SAP30BP: variants seen among roughly 807,000 people sequenced by gnomAD.
SAP30BP encodes the protein SAP30-binding protein.
Under a neutral mutation model 46.3 loss-of-function variants are expected in SAP30BP, and 31 were observed. The ratio of observed to expected loss-of-function variants is 0.67; its 90% CI spans 0.50 to 0.90. The LOEUF is 0.90. Among genes scored for constraint, SAP30BP ranks in the 40% least tolerant of loss-of-function variants. The pLI, the probability that SAP30BP is intolerant of heterozygous loss-of-function variation, is 0.00. For missense variants in SAP30BP, 312 were observed against 391.0 expected (o/e 0.80, Z 1.70); for synonymous variants, 169 against 144.2 (o/e 1.17, Z -1.23).
chr17:75,691,909 C>T (rs1312221029), intron 3 of SAP30BP: 8 of 181,842 alleles, frequency 4.4e-5, no homozygotes, highest in Non-Finnish European at 7.1e-5. Context: ...TGTTGGTCCC[C>T]TGAGAGACTG....
intron 3 of SAP30BP, among the ~76,000 whole-genome samples, chr17:75,688,003 GCTGA>G (rs2060187191): frequency 2.0e-5 from 3 of 150,168 alleles, no homozygotes; most frequent in Admixed American, 1.3e-4. Context: ...TGTGGACCAG[GCTGA>G]CTATTAGACT....
intron 3 of SAP30BP, among the ~76,000 whole-genome samples, chr17:75,682,862 C>T (rs2148390094): frequency 6.7e-6 from 1 of 149,744 alleles, no homozygotes; most frequent in Admixed American, 6.7e-5. Context: ...ACTCAGGAGG[C>T]TGAGGCAGGA....
intron 3 of SAP30BP, among the ~76,000 whole-genome samples, chr17:75,686,536 GAA>G (rs1156641124): frequency 3.3e-5 from 5 of 151,308 alleles, no homozygotes; most frequent in African/African-American, 1.2e-4. Flanking sequence ...AAAAAAAAAA[GAA>G]AGAAAAAAAG....
rs544529030 is a variant in SAP30BP, at chr17:75,702,272, C to A, written c.397-208C>A. 6.6e-5 allele frequency among the ~76,000 whole-genome samples: 10 copies of A among 152,262 alleles called. No homozygotes were observed. In the South Asian group the frequency reaches 2.1e-3, roughly 32 times the overall value. ...ATCTCTGGACCTCGTGATCCACCCG[C>A]CTCAGCCTCCCAAAGTTCTGGGATT... On this transcript the variant is annotated intron_variant, in intron 5 of 10. Transcript: ENST00000584667.
At position 75,697,324 on chromosome 17, in the gene SAP30BP, C is replaced by A. The variant is rs188221372; in HGVS notation, c.308-2459C>A. ...TGCTGCTTGTGAGATAGGACCAGCT[C>A]CCCCCAGCTGATTCCACTCTCCACC... On this transcript the variant is annotated intron_variant, in intron 4 of 10. Coordinates refer to ENST00000584667, the MANE Select transcript of SAP30BP (RefSeq NM_013260.8). Among the ~76,000 whole-genome samples the A allele has an allele frequency of 6.6e-5, 10 of 152,248 alleles. No individual in the cohort carries two copies. In the East Asian group the frequency reaches 1.9e-3, roughly 29 times the overall value.
At chr17:75,696,317 G>A (rs1280868683) in intron 4 of SAP30BP, among the ~76,000 whole-genome samples, 4 of 151,414 alleles carry the variant, frequency 2.6e-5, no homozygotes, top group Non-Finnish European at 4.4e-5. Context: ...GGCAGATCAC[G>A]AGGTTGGGAG....
intron 3 of SAP30BP, among the ~76,000 whole-genome samples, chr17:75,689,571 C>T (rs1346609828): frequency 6.6e-6 from 1 of 152,164 alleles, no homozygotes; most frequent in Non-Finnish European, 1.5e-5. Context: ...CTCTGGGCTG[C>T]GGGTTCCATG....
In SAP30BP at chr17:75,667,383, A is replaced by G. The variant is rs747410239; in HGVS notation, c.11A>G (p.Lys4Arg). 6.2e-7 allele frequency: 1 copy of G among 1,614,172 alleles called. No homozygotes were observed. The highest frequency in any genetic ancestry group is 8.5e-7 in the Non-Finnish European group (1 of 1,179,996). Residue 4 changes from lysine to arginine, a missense_variant, in exon 1 of 11, where the codon AAG becomes AGG. This residue lies in a region of SAP30BP where 296 missense variants were observed against 346.6 expected (regional missense o/e 0.85). Coordinates refer to ENST00000584667, the MANE Select transcript of SAP30BP (RefSeq NM_013260.8). ...GGCTGTGGGAATAAGATGGCGGGGAAGAAGAATGTTCTGTCGTCTCTCGCA... is the reference window on the plus strand; with the variant it reads ...GGCTGTGGGAATAAGATGGCGGGGAGGAAGAATGTTCTGTCGTCTCTCGCA... MAG[K>R]KNVLSSLAVY...
chr17:75,700,787 A>G (rs776370446), intron 5 of SAP30BP, among the ~76,000 whole-genome samples: 5 of 152,216 alleles, frequency 3.3e-5, no homozygotes, highest in Non-Finnish European at 5.9e-5. Flanking sequence ...TCCAGCCTGT[A>G]AGGACGACTC....
At chr17:75,704,703 A>G (rs1472294063) in intron 8 of SAP30BP, 53 bp from the exon 9 acceptor site, 2 of 1,345,026 alleles carry the variant, frequency 1.5e-6, no homozygotes, top group African/African-American at 1.4e-5. Context: ...AGGCTCCCTC[A>G]GCCCAGAGCT....
At position 75,706,597 on chromosome 17, in the gene SAP30BP, A is replaced by G. The variant is rs566482852; in HGVS notation, c.*76A>G. 8.0e-6 allele frequency: 11 copies of G among 1,383,160 alleles called. No homozygotes were observed. Among genetic ancestry groups the G allele is most frequent in the Admixed American group, 7.4e-5 (4 of 53,796 alleles). 85.7% of individuals were successfully genotyped at this position (1,383,160 alleles called of 1,614,324 possible). A position where few individuals can be genotyped will look rare whatever the true frequency, so the allele number is the denominator to read the frequency against. On this transcript the variant is annotated 3_prime_UTR_variant, in exon 11 of 11. Coordinates refer to ENST00000584667, the MANE Select transcript of SAP30BP (RefSeq NM_013260.8). This position sits in a 1 kb window ranked among gnomAD's most constrained non-coding sequence, Gnocchi z 4.6. ...TGCCCAGTGGGAGGCGCCACTTTGT[A>G]TATTTCAGGACTGGGACCTACTCCC...
At chr17:75,683,917 GATA>G (rs1357509389) in intron 3 of SAP30BP, 1 of 152,248 alleles carries the variant, frequency 6.6e-6, no homozygotes, top group Non-Finnish European at 1.5e-5. Flanking sequence ...ATAGGTGAAA[GATA>G]ATAATTCTGG....
chr17:75,670,151 A>C lies in SAP30BP; in HGVS notation c.216+1526A>C, dbSNP rs181125369. Among the ~76,000 whole-genome samples the C allele has an allele frequency of 9.9e-4, 151 of 152,108 alleles. 4 individuals are homozygous for C. The East Asian group carries it at 0.026, about 27-fold the overall frequency. ...ATCTTGGCCAACATGGTGAAACCCCATCTCTACTAAAAATACAATAATTAG... is the reference window on the plus strand; with the variant it reads ...ATCTTGGCCAACATGGTGAAACCCCCTCTCTACTAAAAATACAATAATTAG... On this transcript the variant is annotated intron_variant, in intron 2 of 10. Transcript: ENST00000584667.
intron 5 of SAP30BP, among the ~76,000 whole-genome samples, chr17:75,701,578 C>T (rs533173319): frequency 6.6e-6 from 1 of 152,296 alleles, no homozygotes; most frequent in East Asian, 1.9e-4. Context: ...AAGCAGTTAA[C>T]CCTTGATGCC....
chr17:75,706,372 G>A lies in SAP30BP; in HGVS notation c.778G>A (p.Ala260Thr). 1.2e-6 allele frequency: 2 copies of A among 1,613,876 alleles called. No individual in the cohort carries two copies. Residue 260 changes from alanine to threonine, a missense_variant, in exon 11 of 11, where the codon GCT becomes ACT. Ala to Thr is a moderately conservative substitution (Grantham distance 58, BLOSUM62 0). Around this residue, in one of 2 missense-constraint regions of SAP30BP, gnomAD observed 296 missense variants for 346.6 expected, o/e 0.85. Transcript: ENST00000584667. This position sits in a 1 kb window ranked among gnomAD's most constrained non-coding sequence, Gnocchi z 4.6. ...GAAGAGAAAGAGCAAGTGGGATTCGGCTATCCCAGTGACAACGATAGCCCA... is the reference window on the plus strand; with the variant it reads ...GAAGAGAAAGAGCAAGTGGGATTCGACTATCCCAGTGACAACGATAGCCCA... ...AQKRKSKWDS[A>T]IPVTTIAQPT...
intron 9 of SAP30BP, 172 bp from the exon 10 acceptor site, chr17:75,705,836 C>G: frequency 9.1e-7 from 1 of 1,103,172 alleles, no homozygotes; most frequent in Non-Finnish European, 1.3e-6. Flanking sequence ...TGAAAAGCCC[C>G]TTTGGGTTCT....
At chr17:75,695,690 G>A (rs1049977792) in intron 4 of SAP30BP, among the ~76,000 whole-genome samples, 1 of 152,140 alleles carries the variant, frequency 6.6e-6, no homozygotes, top group Non-Finnish European at 1.5e-5. Flanking sequence ...CCACTCTGGT[G>A]TCAGGACTCA....
chr17:75,683,245 C>T (rs1447957904), intron 3 of SAP30BP, among the ~76,000 whole-genome samples: 3 of 151,388 alleles, frequency 2.0e-5, no homozygotes, highest in Non-Finnish European at 4.4e-5. Context: ...TGGGATTTCA[C>T]CATGTTGGCC....
intron 3 of SAP30BP, among the ~76,000 whole-genome samples, chr17:75,685,487 A>G (rs778906582): frequency 9.2e-5 from 14 of 152,104 alleles, no homozygotes; most frequent in Non-Finnish European, 1.5e-4. Flanking sequence ...ACCGGTGTCG[A>G]TGATGACCAG....
Sources: allele counts gnomAD v4.1 joint callset (sites outside exome capture counted in the v4.1 genomes callset), GRCh38; gene constraint gnomAD v4.1.1; regional missense constraint gnomAD v4.1.1; non-coding constraint Gnocchi (gnomAD v3.1); transcripts MANE v1.5; gene names NCBI Gene and HGNC (gene_info 2026-07-23, HGNC 2026-07-21).